The following SMAD4 variants were observed in gnomAD, a reference collection of about 807,000 sequenced individuals.
SMAD4 encodes MAD homolog 4.
A neutral mutation model predicts 63.2 loss-of-function variants in SMAD4; 7 were observed. The ratio of observed to expected loss-of-function variants is 0.11; its 90% CI spans 0.06 to 0.21. The LOEUF is 0.21. Ranked by LOEUF, SMAD4 falls within the 10% of genes least tolerant of loss-of-function variation. The probability of loss-of-function intolerance (pLI) is 1.00; values close to 1 mark genes in which losing one functional copy is unlikely to be tolerated. For synonymous variants in SMAD4, 215 were observed against 235.4 expected, an observed-to-expected ratio of 0.91 and a Z score of 0.79; for missense variants, 312 against 693.8, an observed-to-expected ratio of 0.45 and a Z score of 6.18.
chr18:51,031,927 G>A (rs1321316610), intron 1 of SMAD4, among the ~76,000 whole-genome samples: 3 of 151,888 alleles, frequency 2.0e-5, no homozygotes, highest in Non-Finnish European at 4.4e-5. Context: ...CTCTATATTG[G>A]AAAGTTCTGA....
At chr18:51,055,697 C>CT (rs1194716586) in intron 5 of SMAD4, among the ~76,000 whole-genome samples, 3 of 149,294 alleles carry the variant, frequency 2.0e-5, no homozygotes, top group South Asian at 2.1e-4. Flanking sequence ...AATGAAGTAG[C>CT]TTTTTTTTCA....
In SMAD4 at chr18:51,082,245, C is replaced by T. The variant is rs1910628293; in HGVS notation, c.*3778C>T. On this transcript the variant is annotated 3_prime_UTR_variant, in exon 12 of 12. Transcript: ENST00000342988. ...TTTTTTTTCCCGTAAAGGCAGAATC[C>T]ATCTTGTTGCAGATAGCTATCTAAA... 1 of 229,572 alleles carries T rather than the reference C, an allele frequency of 4.4e-6. No individual in the cohort carries two copies. Among genetic ancestry groups the T allele is most frequent in the African/African-American group, 2.2e-5 (1 of 45,108 alleles). The allele number at this position is 229,572 out of a possible 1,614,324, so 14.2% of individuals were successfully genotyped here. A position where few individuals can be genotyped will look rare whatever the true frequency, so the allele number is the denominator to read the frequency against.
chr18:51,074,068 A>G (rs1213111037), intron 10 of SMAD4, among the ~76,000 whole-genome samples: 4 of 152,254 alleles, frequency 2.6e-5, no homozygotes, highest in East Asian at 1.9e-4. Context: ...TAATGCAACA[A>G]TAAAATAAAC....
chr18:51,030,913 TTTG>T (rs1909028904), intron 1 of SMAD4, among the ~76,000 whole-genome samples: 3 of 152,184 alleles, frequency 2.0e-5, no homozygotes, highest in Admixed American at 2.0e-4. Flanking sequence ...GCCGCTCCTC[TTTG>T]TTGTTCTCAG....
chr18:51,033,367 T>C (rs1354237104), intron 1 of SMAD4, among the ~76,000 whole-genome samples: 1 of 152,174 alleles, frequency 6.6e-6, no homozygotes, highest in Non-Finnish European at 1.5e-5. Context: ...TTTTTGTGTT[T>C]TTAGTAGAGA....
rs976336475 is a variant in SMAD4 at position 51,044,519 on chromosome 18, C to T, written c.-127-2401C>T. Among the ~76,000 whole-genome samples the T allele has an allele frequency of 3.3e-5, 5 of 152,072 alleles. No homozygotes were observed. In the South Asian group the frequency reaches 6.2e-4, roughly 19 times the overall value. Reference sequence around the variant, plus strand: ...GTGATCTTCCAGTCTCAGCTCCCCGCGTAGCTAGGACAACAGGCGTGTGCC... The same window carrying T: ...GTGATCTTCCAGTCTCAGCTCCCCGTGTAGCTAGGACAACAGGCGTGTGCC... On this transcript the variant is annotated intron_variant, in intron 1 of 11. Coordinates refer to ENST00000342988, the MANE Select transcript of SMAD4 (RefSeq NM_005359.6).
chr18:51,056,309 G>T (rs936211523), intron 5 of SMAD4, among the ~76,000 whole-genome samples: 4 of 152,090 alleles, frequency 2.6e-5, no homozygotes, highest in African/African-American at 4.8e-5. Context: ...TTACTAAAGT[G>T]ACTTCATTTT....
At chr18:51,054,651 A>C in intron 4 of SMAD4, 130 bp from the exon 5 acceptor site, 1 of 658,236 alleles carries the variant, frequency 1.5e-6, no homozygotes, top group Non-Finnish European at 2.6e-6. Context: ...ATATGAAAAA[A>C]TTCTGAATTA....
chr18:51,059,958 T>G (rs758408803), intron 8 of SMAD4, 42 bp downstream of exon 8: 1 of 1,465,574 alleles, frequency 6.8e-7, no homozygotes, highest in Non-Finnish European at 9.6e-7. Flanking sequence ...TTAGATTGAT[T>G]TAGTGGTGAT....
At chr18:51,053,146 T>C (rs1359388043) in intron 4 of SMAD4, 3 of 152,208 alleles carry the variant, frequency 2.0e-5, no homozygotes, top group Non-Finnish European at 4.4e-5. Context: ...GATTGCTGAT[T>C]AAACTGAAGA....
At chr18:51,045,414 G>T (rs1389641283) in intron 1 of SMAD4, among the ~76,000 whole-genome samples, 1 of 152,076 alleles carries the variant, frequency 6.6e-6, no homozygotes, top group African/African-American at 2.4e-5. Context: ...CAAAGTACAG[G>T]CTCCAGTCCT....
intron 5 of SMAD4, among the ~76,000 whole-genome samples, chr18:51,056,309 G>C (rs936211523): frequency 6.6e-6 from 1 of 152,090 alleles, no homozygotes; most frequent in African/African-American, 2.4e-5. Context: ...TTACTAAAGT[G>C]ACTTCATTTT....
At chr18:51,033,804 C>A (rs1220308234) in intron 1 of SMAD4, among the ~76,000 whole-genome samples, 1 of 152,138 alleles carries the variant, frequency 6.6e-6, no homozygotes, top group Non-Finnish European at 1.5e-5. Context: ...AACACTATTA[C>A]CTGGTGTAAT....
chr18:51,073,388 T>TATATATATACACACACACACACAC (rs1417299090), intron 10 of SMAD4, among the ~76,000 whole-genome samples: 1 of 64,160 alleles, frequency 1.6e-5, no homozygotes, highest in African/African-American at 7.6e-5. Flanking sequence ...TATATATATA[T>TATATATATACACACACACACACAC]ACACACACAC....
intron 4 of SMAD4, among the ~76,000 whole-genome samples, chr18:51,049,899 A>C (rs945958674): frequency 2.0e-5 from 3 of 152,246 alleles, no homozygotes; most frequent in African/African-American, 7.2e-5. Context: ...TTTTAAAAAG[A>C]AAAAGTGTTT....
Position 51,078,623 on chromosome 18 carries a change from A to G in SMAD4, c.*156A>G, listed in dbSNP as rs1015532161. The G allele has an allele frequency of 1.6e-6, 1 of 627,712 alleles. No individual in the cohort carries two copies. The allele number at this position is 627,712 out of a possible 1,614,324, so 38.9% of individuals were successfully genotyped here. The stretch of plus-strand genomic sequence containing the variant: ...GCTGCCTTGCTCCTAGCAGACAGAA[A>G]CTGGATTAAAACAATTTTTTTTTTC... On this transcript the variant is annotated 3_prime_UTR_variant, in exon 12 of 12. Coordinates refer to ENST00000342988, the MANE Select transcript of SMAD4 (RefSeq NM_005359.6).
rs79696695 is a variant in SMAD4 at position 51,040,983 on chromosome 18, C to T, written c.-127-5937C>T. 6.9e-3 allele frequency among the ~76,000 whole-genome samples: 1,042 copies of T among 152,112 alleles called. 10 individuals are homozygous for T. Among genetic ancestry groups the T allele is most frequent in the African/African-American group, 0.024 (983 of 41,444 alleles). ...AAATGGGTCGTCTTTTATTTGTCCC[C>T]CCTTTTTCACCCTTCATATTTCAGT... On this transcript the variant is annotated intron_variant, in intron 1 of 11. Coordinates refer to ENST00000342988, the MANE Select transcript of SMAD4 (RefSeq NM_005359.6).
intron 10 of SMAD4, among the ~76,000 whole-genome samples, chr18:51,072,360 T>C (rs1352119046): frequency 6.6e-6 from 1 of 152,228 alleles, no homozygotes; most frequent in Non-Finnish European, 1.5e-5. Context: ...GAGTTGGGTT[T>C]GTTTTTGAAC....
chr18:51,030,705 CCGACGACGG>C (rs1202683890), intron 1 of SMAD4, 82 bp downstream of exon 1: 1 of 149,894 alleles, frequency 6.7e-6, no homozygotes, highest in Non-Finnish European at 1.5e-5. Context: ...GGGCGGGCTC[CCGACGACGG>C]CGGCGGCGGC....
Sources: allele counts gnomAD v4.1 joint callset (sites outside exome capture counted in the v4.1 genomes callset), GRCh38; gene constraint gnomAD v4.1.1; transcripts MANE v1.5; gene names NCBI Gene and HGNC (gene_info 2026-07-23, HGNC 2026-07-21).